The following CCDC157 variants were observed in gnomAD, a reference collection of about 807,000 sequenced individuals.
CCDC157 encodes the protein coiled-coil domain containing 157.
CCDC157 carries 60 observed loss-of-function variants against 70.9 expected under a neutral mutation model. That is an observed-to-expected ratio of 0.85 (90% CI 0.69 to 1.05). The LOEUF (loss-of-function observed/expected upper bound fraction) is 1.05. CCDC157 is among the 50% of genes least tolerant of loss of function. CCDC157 has a pLI of 0.00. For synonymous variants in CCDC157, 373 were observed against 422.4 expected (o/e 0.88, Z 1.43); for missense variants, 943 against 984.2 (o/e 0.96, Z 0.56).
intron 9 of CCDC157, 70 bp from the exon 10 acceptor site, chr22:30,375,409 C>T: frequency 6.7e-7 from 1 of 1,499,548 alleles, no homozygotes; most frequent in South Asian, 1.1e-5. Context: ...TACACAGCTC[C>T]TTTGTGCCTC....
chr22:30,357,140 GTT>G lies in CCDC157; in HGVS notation c.-166+9_-166+10del. ...CCGCGACGCCGAAGACAGGTGAGAT[GTT>G]GTACGTCACCCGCCGGACCCCCGCC... On this transcript the variant is annotated intron_variant, in intron 1 of 11. Transcript: ENST00000338306. The G allele has an allele frequency of 4.2e-6, 1 of 238,884 alleles. No homozygotes were observed. The highest frequency in any genetic ancestry group is 7.8e-5 in the East Asian group (1 of 12,802). 14.8% of individuals were successfully genotyped at this position (238,884 alleles called of 1,614,324 possible).
At chr22:30,369,986 AGT>A in intron 4 of CCDC157, 1 of 474,156 alleles carries the variant, frequency 2.1e-6, no homozygotes, top group Non-Finnish European at 3.8e-6. Context: ...TAAAACTGAG[AGT>A]GGTTATGGTG....
rs533738712 is a variant in CCDC157 at position 30,378,060 on chromosome 22, T to C, written c.*1315T>C. 51 of 469,996 alleles carry C rather than the reference T, an allele frequency of 1.1e-4. No homozygotes were observed. Among genetic ancestry groups the C allele is most frequent in the Admixed American group, 9.7e-4 (41 of 42,402 alleles). 29.1% of individuals were successfully genotyped at this position (469,996 alleles called of 1,614,324 possible). A position where few individuals can be genotyped will look rare whatever the true frequency, so the allele number is the denominator to read the frequency against. On this transcript the variant is annotated 3_prime_UTR_variant, in exon 12 of 12. Coordinates refer to ENST00000338306, the MANE Select transcript of CCDC157 (RefSeq NM_001017437.5). ...TGCGGCTGTGGGACTGAGGTCCCCA[T>C]GTCCTCGCTGGCTGGCTGTAAGCCA...
At chr22:30,360,080 G>A (rs1932224990) in intron 1 of CCDC157, among the ~76,000 whole-genome samples, 1 of 152,182 alleles carries the variant, frequency 6.6e-6, no homozygotes, top group Non-Finnish European at 1.5e-5. Flanking sequence ...GGAGTTAAAG[G>A]TTACAATGAG....
At position 30,364,814 on chromosome 22, in the gene CCDC157, C is replaced by CAA. The variant is rs761781292; in HGVS notation, c.-11-1162_-11-1161dup. The stretch of plus-strand genomic sequence containing the variant: ...TGAGCAACAGAGCTAGACACCATCT[C>CAA]AAAAAAAAAAAAAAACCAAAAAACA... On this transcript the variant is annotated intron_variant, in intron 2 of 11. Coordinates refer to ENST00000338306, the MANE Select transcript of CCDC157 (RefSeq NM_001017437.5). Among the ~76,000 whole-genome samples the CAA allele has an allele frequency of 4.2e-4, 48 of 114,404 alleles. 1 individual carries two copies. Among genetic ancestry groups the CAA allele is most frequent in the African/African-American group, 4.3e-4 (13 of 29,908 alleles). 75.1% of individuals were successfully genotyped at this position (114,404 alleles called of 152,430 possible).
intron 1 of CCDC157, among the ~76,000 whole-genome samples, chr22:30,359,782 T>A (rs1414061639): frequency 6.6e-6 from 1 of 152,242 alleles, no homozygotes; most frequent in East Asian, 1.9e-4. Flanking sequence ...AAAATTAAAG[T>A]TAATTGACCT....
intron 3 of CCDC157, 58 bp downstream of exon 3, chr22:30,366,306 A>G (rs1193184132): frequency 4.0e-5 from 64 of 1,603,068 alleles, no homozygotes; most frequent in Non-Finnish European, 5.5e-5. Flanking sequence ...CCCTGAAACC[A>G]GTGGCAGCTA....
chr22:30,374,051 C>A lies in CCDC157; in HGVS notation c.1632C>A (p.Ala544=), dbSNP rs761373057. The change falls in exon 9 of 12, where the codon GCC becomes GCA. Residue 544 remains alanine (A), a synonymous_variant. Transcript: ENST00000338306. Reference sequence around the variant, plus strand: ...AGGAGCGGGAGCGGCTGCTGGTGGCCTTCCCAGACCTGCACAGGCCCACCG... The same window carrying A: ...AGGAGCGGGAGCGGCTGCTGGTGGCATTCCCAGACCTGCACAGGCCCACCG... The part of the protein sequence containing the change: ...ELKERERLLV[A]FPDLHRPTET... The A allele has an allele frequency of 6.2e-7, 1 of 1,605,166 alleles. No individual in the cohort carries two copies. The highest frequency in any genetic ancestry group is 1.1e-5 in the South Asian group (1 of 89,016).
upstream of CCDC157, chr22:30,356,923 G>T (rs1931910800): frequency 4.0e-6 from 3 of 758,262 alleles, no homozygotes; most frequent in Non-Finnish European, 5.5e-6. Flanking sequence ...GGCCGCGAAG[G>T]TACGACTGGC....
At chr22:30,364,396 T>G (rs980208321) in intron 2 of CCDC157, among the ~76,000 whole-genome samples, 1 of 152,144 alleles carries the variant, frequency 6.6e-6, no homozygotes, top group Non-Finnish European at 1.5e-5. Context: ...ATGGATATTC[T>G]AAGTACACTG....
upstream of CCDC157, chr22:30,356,818 C>A: frequency 7.5e-7 from 1 of 1,333,760 alleles, no homozygotes; most frequent in Non-Finnish European, 9.7e-7. Flanking sequence ...GGCTGCCAGT[C>A]CGCCTCGGTG....
chr22:30,357,826 AT>A (rs550906514), intron 1 of CCDC157, among the ~76,000 whole-genome samples: 43 of 146,836 alleles, frequency 2.9e-4, no homozygotes, highest in East Asian at 2.4e-3. Flanking sequence ...CAGTTTTTAA[AT>A]TTTTTTTTTT....
intron 10 of CCDC157, chr22:30,375,926 G>A: frequency 1.8e-6 from 1 of 549,404 alleles, no homozygotes; most frequent in Non-Finnish European, 3.2e-6. Context: ...GGCGGCTCAT[G>A]CCTGTAATCC....
chr22:30,356,873 T>C (rs1231335049), upstream of CCDC157: 6 of 1,167,566 alleles, frequency 5.1e-6, no homozygotes, highest in Admixed American at 1.7e-4. Flanking sequence ...GCTCGGTCAG[T>C]ACGACGAGCT....
chr22:30,357,032 C>T lies in CCDC157; in HGVS notation c.-266C>T, dbSNP rs1931922862. 2 of 384,758 alleles carry T rather than the reference C, an allele frequency of 5.2e-6. No individual in the cohort carries two copies. The highest frequency in any genetic ancestry group is 9.2e-6 in the Non-Finnish European group (2 of 218,556). The allele number at this position is 384,758 out of a possible 1,614,324, so 23.8% of individuals were successfully genotyped here. On this transcript the variant is annotated 5_prime_UTR_variant, in exon 1 of 12. Transcript: ENST00000338306. The stretch of plus-strand genomic sequence containing the variant: ...GTTGCCAAGGCAGCGGCCTGAGCGC[C>T]CGGCTAGGGCTTTTCGGGGATCCCG...
At chr22:30,356,744 T>C, upstream of CCDC157, 4 of 1,494,780 alleles carry the variant, frequency 2.7e-6, no homozygotes, top group Non-Finnish European at 3.6e-6. Context: ...TTGGGCTCCG[T>C]GGGCACGGGC....
At chr22:30,375,099 CG>C (rs1569194534) in intron 9 of CCDC157, 1 of 295,656 alleles carries the variant, frequency 3.4e-6, no homozygotes, top group Non-Finnish European at 6.5e-6. Flanking sequence ...GCTGGGACTA[CG>C]GGGGCCCGCC....
Position 30,372,324 on chromosome 22 carries a change from T to G in CCDC157, c.1335+38T>G, listed in dbSNP as rs775541338. 2.0e-6 allele frequency: 3 copies of G among 1,481,672 alleles called. No homozygotes were observed. The Admixed American group carries it at 7.1e-5, about 35-fold the overall frequency. 91.8% of individuals were successfully genotyped at this position (1,481,672 alleles called of 1,614,324 possible). On this transcript the variant is annotated intron_variant, in intron 7 of 11. Coordinates refer to ENST00000338306, the MANE Select transcript of CCDC157 (RefSeq NM_001017437.5). ...CCCTCGCTAGCCTGGGCATCTGCAA[T>G]GTAGGCTGCAGGGAAAGAGGGCTCC...
Position 30,375,474 on chromosome 22 carries a change from C to G in CCDC157, c.1673-5C>G, listed in dbSNP as rs1371090231. ...CCTTCTAAGGTCCTGTCCCATTGGG[C>G]ACAGGAGGCAGATCCAGCAGCGTGG... On this transcript the variant is annotated splice_polypyrimidine_tract_variant and splice_region_variant and intron_variant, in intron 9 of 11. Transcript: ENST00000338306. The G allele has an allele frequency of 6.2e-7, 1 of 1,613,688 alleles. No homozygotes were observed. Among genetic ancestry groups the G allele is most frequent in the Admixed American group, 1.7e-5 (1 of 60,000 alleles).
Sources: allele counts gnomAD v4.1 joint callset (sites outside exome capture counted in the v4.1 genomes callset), GRCh38; gene constraint gnomAD v4.1.1; transcripts MANE v1.5; gene names NCBI Gene and HGNC (gene_info 2026-07-23, HGNC 2026-07-21).